The following CLTC variants were observed in gnomAD, a reference collection of about 807,000 sequenced individuals.
CLTC encodes clathrin heavy chain 1.
A neutral mutation model predicts 195.8 loss-of-function variants in CLTC; 16 were observed. The observed-to-expected ratio is 0.08, with a 90% CI of 0.06 to 0.12. The LOEUF is 0.12. Ranked by LOEUF, CLTC falls within the 10% of genes least tolerant of loss-of-function variation. The pLI is 1.00. For missense variants in CLTC, 796 were observed against 2,027.0 expected, an observed-to-expected ratio of 0.39 and a Z score of 11.66; for synonymous variants, 667 against 689.4, an observed-to-expected ratio of 0.97 and a Z score of 0.51.
intron 28 of CLTC, chr17:59,684,262 G>C (rs2033133893): frequency 1.3e-5 from 4 of 301,532 alleles, no homozygotes; most frequent in Non-Finnish European, 2.5e-5. Flanking sequence ...AAATGTCTTT[G>C]ACCACTTAAC....
chr17:59,695,968 C>G lies in CLTC; in HGVS notation c.*2116C>G. The G allele has an allele frequency of 4.8e-6, 1 of 208,054 alleles. No individual in the cohort carries two copies. Among genetic ancestry groups the G allele is most frequent in the East Asian group, 7.3e-5 (1 of 13,620 alleles). The allele number at this position is 208,054 out of a possible 1,614,324, so 12.9% of individuals were successfully genotyped here. ...AAGTACAGATGAACTAGAAAACAAG[C>G]ATATATCCACAATTACCAGAATTTT... On this transcript the variant is annotated 3_prime_UTR_variant, in exon 32 of 32. Coordinates refer to ENST00000269122, the MANE Select transcript of CLTC (RefSeq NM_004859.4).
chr17:59,626,285 G>A (rs2031548660), intron 1 of CLTC, among the ~76,000 whole-genome samples: 1 of 152,036 alleles, frequency 6.6e-6, no homozygotes, highest in Non-Finnish European at 1.5e-5. Context: ...ATTTGATATT[G>A]TGCACAGTTT....
chr17:59,659,146 T>G (rs1447720082), intron 6 of CLTC, among the ~76,000 whole-genome samples: 11 of 152,196 alleles, frequency 7.2e-5, no homozygotes, highest in Non-Finnish European at 1.5e-5. Context: ...AAACCCCCTT[T>G]CCTCATGTGA....
At chr17:59,641,212 C>T (rs1246117628) in intron 1 of CLTC, among the ~76,000 whole-genome samples, 1 of 152,084 alleles carries the variant, frequency 6.6e-6, no homozygotes, top group East Asian at 1.9e-4. Context: ...GGAAGTAACC[C>T]ATATCACTGT....
intron 1 of CLTC, among the ~76,000 whole-genome samples, chr17:59,621,868 C>G (rs1528491): frequency 0.47 from 70,784 of 151,954 alleles, 20,150 homozygotes; most frequent in Non-Finnish European, 0.65. Flanking sequence ...GGGGAAAACG[C>G]GGGCTTATTT....
chr17:59,676,680 G>T (rs755242190), intron 16 of CLTC, among the ~76,000 whole-genome samples: 1 of 152,186 alleles, frequency 6.6e-6, no homozygotes, highest in South Asian at 2.1e-4. Context: ...TAAAATTAAT[G>T]TAAAGCCAGG....
At chr17:59,623,475 A>G (rs1359299015) in intron 1 of CLTC, among the ~76,000 whole-genome samples, 5 of 152,222 alleles carry the variant, frequency 3.3e-5, no homozygotes, top group African/African-American at 1.2e-4. Flanking sequence ...TGATTAGGAA[A>G]TAAGACACAG....
At chr17:59,684,138 T>C (rs768874456) in intron 28 of CLTC, 153 bp downstream of exon 28, 80 of 580,584 alleles carry the variant, frequency 1.4e-4, no homozygotes, top group South Asian at 4.6e-4. Flanking sequence ...TGATAAATCT[T>C]CTAATTAAGT....
intron 1 of CLTC, among the ~76,000 whole-genome samples, chr17:59,626,949 G>A (rs923406090): frequency 6.6e-6 from 1 of 152,166 alleles, no homozygotes. Flanking sequence ...CCAGGCTGGA[G>A]TGCAGTGGCA....
intron 1 of CLTC, among the ~76,000 whole-genome samples, chr17:59,632,474 A>AGT (rs2031752641): frequency 6.6e-6 from 1 of 151,970 alleles, no homozygotes; most frequent in African/African-American, 2.4e-5. Flanking sequence ...AAAAGGGCTT[A>AGT]GTGTTTGGAA....
At chr17:59,656,215 A>C in intron 6 of CLTC, 188 bp downstream of exon 6, 1 of 492,398 alleles carries the variant, frequency 2.0e-6, no homozygotes, top group Non-Finnish European at 3.5e-6. Context: ...AGCACGATGT[A>C]AGCTGATAAA....
intron 6 of CLTC, among the ~76,000 whole-genome samples, chr17:59,659,554 G>A (rs546301143): frequency 1.3e-5 from 2 of 150,734 alleles, no homozygotes; most frequent in South Asian, 4.2e-4. Flanking sequence ...GGGTTCAAGC[G>A]ATTCTCCTGC....
At chr17:59,684,420 TTC>T (rs896071238) in intron 28 of CLTC, 5 of 170,764 alleles carry the variant, frequency 2.9e-5, no homozygotes, top group East Asian at 3.4e-4. Flanking sequence ...TTGCCTTTTT[TTC>T]TCTCTCTTCA....
At chr17:59,677,819 T>C (rs1247876907) in intron 17 of CLTC, among the ~76,000 whole-genome samples, 1 of 152,230 alleles carries the variant, frequency 6.6e-6, no homozygotes, top group Non-Finnish European at 1.5e-5. Context: ...TTTTTCTATT[T>C]GTAACTATTT....
chr17:59,692,339 A>C (rs1241912757), intron 31 of CLTC, among the ~76,000 whole-genome samples: 1 of 148,872 alleles, frequency 6.7e-6, no homozygotes, highest in East Asian at 2.0e-4. Context: ...ACTGGTTTCC[A>C]ATAATAATTT....
chr17:59,634,184 C>A (rs1209567283), intron 1 of CLTC, among the ~76,000 whole-genome samples: 2 of 152,172 alleles, frequency 1.3e-5, no homozygotes, highest in East Asian at 3.8e-4. Context: ...GCTGGGATTA[C>A]AGGCATGAGC....
intron 31 of CLTC, 22 bp from the exon 32 acceptor site, chr17:59,693,706 T>C (rs1048411577): frequency 3.1e-6 from 5 of 1,605,476 alleles, no homozygotes; most frequent in Admixed American, 3.4e-5. Flanking sequence ...CCCCTGCTCC[T>C]TTTTGTTTTC....
intron 1 of CLTC, among the ~76,000 whole-genome samples, chr17:59,624,702 C>A (rs889699683): frequency 1.3e-5 from 2 of 152,020 alleles, no homozygotes; most frequent in Non-Finnish European, 2.9e-5. Flanking sequence ...CTCCTGACTT[C>A]AAATGATCTG....
intron 1 of CLTC, among the ~76,000 whole-genome samples, chr17:59,627,459 T>C (rs2031585565): frequency 6.6e-6 from 1 of 152,214 alleles, no homozygotes; most frequent in African/African-American, 2.4e-5. Context: ...CAGTCAGACT[T>C]TTAATATTTA....
Sources: gnomAD v4.1 joint callset for allele counts (sites outside exome capture counted in the v4.1 genomes callset) on GRCh38, gnomAD v4.1.1 for gene constraint, MANE v1.5 for transcripts, NCBI Gene and HGNC (gene_info 2026-07-23, HGNC 2026-07-21) for gene names.